Variants in SAMTOR observed in about 807,000 individuals in gnomAD.
SAMTOR encodes the protein UPF0532 protein C7orf60.
chr7:112,877,509 A>G, the SAMTOR span, among the ~76,000 whole-genome samples: 1 of 152,222 alleles, frequency 6.6e-6, no homozygotes, highest in Non-Finnish European at 1.5e-5. Flanking sequence ...TGAAAATAGC[A>G]ATGATAAAAC....
chr7:112,923,937 A>C, the SAMTOR span, among the ~76,000 whole-genome samples: 1 of 152,030 alleles, frequency 6.6e-6, no homozygotes, highest in Non-Finnish European at 1.5e-5. Flanking sequence ...GTAAACTATC[A>C]CAAGAACAAA....
At chr7:112,895,891 G>A in the SAMTOR span, 3 of 465,828 alleles carry the variant, frequency 6.4e-6, no homozygotes, top group African/African-American at 6.0e-5. Flanking sequence ...TGAGCACCTT[G>A]TAGCACTTTC....
At chr7:112,929,530 T>C in the SAMTOR span, among the ~76,000 whole-genome samples, 1 of 151,966 alleles carries the variant, frequency 6.6e-6, no homozygotes. Context: ...TGGAGGTTCC[T>C]AAAAAAATTA....
At chr7:112,918,895 TAACTGTCCTA>T in the SAMTOR span, among the ~76,000 whole-genome samples, 4 of 152,162 alleles carry the variant, frequency 2.6e-5, no homozygotes, top group African/African-American at 9.7e-5. Flanking sequence ...CAAGAAGAGC[TAACTGTCCTA>T]AATGTATATG....
chr7:112,833,048 T>C, the SAMTOR span, among the ~76,000 whole-genome samples: 1 of 152,308 alleles, frequency 6.6e-6, no homozygotes, highest in East Asian at 1.9e-4. Context: ...AGTATTGGGA[T>C]TAGAGGCGTG....
the SAMTOR span, among the ~76,000 whole-genome samples, chr7:112,935,763 C>A: frequency 6.6e-6 from 1 of 152,164 alleles, no homozygotes; most frequent in African/African-American, 2.4e-5. Flanking sequence ...TGTACTTTTA[C>A]TCCTGACAAC....
At chr7:112,845,555 T>C in the SAMTOR span, among the ~76,000 whole-genome samples, 1 of 152,144 alleles carries the variant, frequency 6.6e-6, no homozygotes, top group Non-Finnish European at 1.5e-5. Flanking sequence ...CTCACACAAG[T>C]CATAATGGTT....
chr7:112,822,241 C>G, the SAMTOR span: 3 of 1,613,444 alleles, frequency 1.9e-6, no homozygotes, highest in Non-Finnish European at 2.5e-6. Flanking sequence ...GAGAAAACAA[C>G]CACATGGAAA....
At chr7:112,851,213 GGAACCCAAA>G in the SAMTOR span, among the ~76,000 whole-genome samples, 1 of 152,026 alleles carries the variant, frequency 6.6e-6, no homozygotes, top group Non-Finnish European at 1.5e-5. Flanking sequence ...AAATTCATAT[GGAACCCAAA>G]AGGAGCTCAA....
the SAMTOR span, among the ~76,000 whole-genome samples, chr7:112,936,755 C>A: frequency 6.6e-6 from 1 of 152,092 alleles, no homozygotes; most frequent in Non-Finnish European, 1.5e-5. Context: ...AACTTATTTC[C>A]TTCCCTGCCA....
the SAMTOR span, among the ~76,000 whole-genome samples, chr7:112,827,543 C>G: frequency 6.6e-6 from 1 of 152,060 alleles, no homozygotes; most frequent in Non-Finnish European, 1.5e-5. Context: ...GGACTGGTTC[C>G]AGGAACCACT....
the SAMTOR span, among the ~76,000 whole-genome samples, chr7:112,901,135 T>C: frequency 6.6e-6 from 1 of 152,214 alleles, no homozygotes; most frequent in Non-Finnish European, 1.5e-5. Context: ...TTGCAAATCA[T>C]ACATATCAGG....
At chr7:112,915,382 C>T in the SAMTOR span, 26 of 1,613,428 alleles carry the variant, frequency 1.6e-5, no homozygotes, top group East Asian at 1.3e-4. Context: ...TTCATTGCAA[C>T]GGCATATTCA....
the SAMTOR span, among the ~76,000 whole-genome samples, chr7:112,869,241 G>A: frequency 3.5e-4 from 53 of 152,124 alleles, no homozygotes; most frequent in Non-Finnish European, 4.6e-4. Context: ...GGGGACCAGA[G>A]CGTGTGGGCT....
chr7:112,839,419 C>A, the SAMTOR span, among the ~76,000 whole-genome samples: 1 of 151,822 alleles, frequency 6.6e-6, no homozygotes, highest in Non-Finnish European at 1.5e-5. Flanking sequence ...GCTAAAGCCA[C>A]TGGTGAAAAC....
chr7:112,862,305 T>G, the SAMTOR span, among the ~76,000 whole-genome samples: 1 of 151,942 alleles, frequency 6.6e-6, no homozygotes, highest in East Asian at 1.9e-4. Flanking sequence ...CTTCTAGGGG[T>G]AAAAAGAAAA....
chr7:112,930,784 T>C, the SAMTOR span, among the ~76,000 whole-genome samples: 7 of 152,196 alleles, frequency 4.6e-5, no homozygotes, highest in Non-Finnish European at 1.0e-4. Flanking sequence ...TACCAATCCA[T>C]TGAGGCAGAT....
chr7:112,937,862 G>T, the SAMTOR span, among the ~76,000 whole-genome samples: 23 of 150,676 alleles, frequency 1.5e-4, no homozygotes, highest in African/African-American at 5.6e-4. Flanking sequence ...TTAATACTCA[G>T]GCTTAAAACA....
the SAMTOR span, among the ~76,000 whole-genome samples, chr7:112,865,257 T>A: frequency 6.6e-6 from 1 of 152,060 alleles, no homozygotes; most frequent in Non-Finnish European, 1.5e-5. Context: ...GAGACCAACC[T>A]AGGCAACACA....
Sources: allele counts gnomAD v4.1 joint callset (sites outside exome capture counted in the v4.1 genomes callset), GRCh38; gene constraint gnomAD v4.1.1; transcripts MANE v1.5; gene names NCBI Gene and HGNC (gene_info 2026-07-23, HGNC 2026-07-21).